The following STK32A variants were observed in gnomAD, a reference collection of about 807,000 sequenced individuals.
STK32A encodes serine/threonine-protein kinase 32A.
A neutral mutation model predicts 53.2 loss-of-function variants in STK32A; 41 were observed. The ratio of observed to expected loss-of-function variants is 0.77; its 90% CI spans 0.60 to 1.00. STK32A has a LOEUF of 1.00. Among genes scored for constraint, STK32A ranks in the 50% least tolerant of loss-of-function variants. STK32A has a pLI of 0.00. For synonymous variants in STK32A, 166 were observed against 162.8 expected, an observed-to-expected ratio of 1.02 and a Z score of -0.15; for missense variants, 458 against 485.8, an observed-to-expected ratio of 0.94 and a Z score of 0.54.
chr5:147,325,001 C>T (rs1356411661), intron 5 of STK32A, among the ~76,000 whole-genome samples: 2 of 152,142 alleles, frequency 1.3e-5, no homozygotes, highest in African/African-American at 4.8e-5. Flanking sequence ...AAGAAACTGT[C>T]TCAAAGGTTT....
At chr5:147,251,767 A>G (rs530918270) in intron 2 of STK32A, among the ~76,000 whole-genome samples, 1 of 141,984 alleles carries the variant, frequency 7.0e-6, no homozygotes, top group Admixed American at 7.3e-5. Flanking sequence ...TTAATGAAGT[A>G]TTGGGGGGTT....
chr5:147,236,714 A>G (rs1406266167), intron 1 of STK32A, among the ~76,000 whole-genome samples: 2 of 152,186 alleles, frequency 1.3e-5, no homozygotes, highest in African/African-American at 2.4e-5. Flanking sequence ...TCTTCCCACT[A>G]AAAATCACTT....
intron 9 of STK32A, among the ~76,000 whole-genome samples, chr5:147,372,460 T>A (rs1757044287): frequency 6.6e-6 from 1 of 151,916 alleles, no homozygotes; most frequent in African/African-American, 2.4e-5. Context: ...TCATTTTTCA[T>A]AAGCAAATTC....
intron 6 of STK32A, among the ~76,000 whole-genome samples, chr5:147,343,763 G>A (rs983470930): frequency 5.3e-5 from 8 of 152,156 alleles, no homozygotes; most frequent in African/African-American, 1.9e-4. Context: ...ATGTACCAAT[G>A]TATCTCAGAA....
chr5:147,261,791 C>A (rs974276046), intron 2 of STK32A, among the ~76,000 whole-genome samples: 2 of 151,976 alleles, frequency 1.3e-5, no homozygotes, highest in African/African-American at 2.4e-5. Flanking sequence ...TATGAGGAAC[C>A]CTGAAAATTA....
intron 7 of STK32A, among the ~76,000 whole-genome samples, chr5:147,353,484 G>T (rs1756079983): frequency 6.6e-6 from 1 of 152,100 alleles, no homozygotes; most frequent in South Asian, 2.1e-4. Context: ...ATGCTTGGCG[G>T]GGTGCGGTGG....
At chr5:147,360,408 A>G (rs1756444622) in intron 7 of STK32A, among the ~76,000 whole-genome samples, 1 of 144,226 alleles carries the variant, frequency 6.9e-6, no homozygotes, top group Non-Finnish European at 1.5e-5. Flanking sequence ...CCATGATTGT[A>G]TCACTGCAAT....
At chr5:147,328,068 G>A (rs187786171) in intron 5 of STK32A, among the ~76,000 whole-genome samples, 134 of 152,328 alleles carry the variant, frequency 8.8e-4, no homozygotes, top group African/African-American at 3.0e-3. Flanking sequence ...GTGTAAGAAA[G>A]ACAAGTACTT....
At chr5:147,247,174 G>A (rs953953299) in intron 2 of STK32A, among the ~76,000 whole-genome samples, 2 of 152,146 alleles carry the variant, frequency 1.3e-5, no homozygotes, top group African/African-American at 2.4e-5. Flanking sequence ...GGGAGTGCAG[G>A]CCTTCATGGG....
the STK32A span, among the ~76,000 whole-genome samples, chr5:147,401,156 T>C: frequency 6.6e-6 from 1 of 152,240 alleles, no homozygotes; most frequent in Non-Finnish European, 1.5e-5. Flanking sequence ...ATTGTCATCA[T>C]GACCAACTAT....
At chr5:147,242,838 A>G (rs1416088995) in intron 2 of STK32A, among the ~76,000 whole-genome samples, 1 of 152,212 alleles carries the variant, frequency 6.6e-6, no homozygotes, top group East Asian at 1.9e-4. Context: ...CATTTTGTAA[A>G]GTTCATTTGA....
intron 4 of STK32A, among the ~76,000 whole-genome samples, chr5:147,291,872 C>A (rs1752615629): frequency 6.6e-6 from 1 of 152,160 alleles, no homozygotes; most frequent in Non-Finnish European, 1.5e-5. Flanking sequence ...TATATTTGGC[C>A]TAATTATTTG....
intron 4 of STK32A, among the ~76,000 whole-genome samples, chr5:147,295,526 C>T (rs994812470): frequency 5.9e-5 from 9 of 152,112 alleles, no homozygotes; most frequent in African/African-American, 7.2e-5. Flanking sequence ...TCTTATTTAC[C>T]GAAGATTTAC....
Position 147,339,922 on chromosome 5 carries a change from C to T in STK32A, c.435-3084C>T, listed in dbSNP as rs138739372. On this transcript the variant is annotated intron_variant, in intron 5 of 12. Coordinates refer to ENST00000397936, the MANE Select transcript of STK32A (RefSeq NM_001112724.2). Reference sequence around the variant, plus strand: ...AGGCTCATAGGCAGAAGGGACTTGCCTTGTCTTAGATGAGACATTGGACTG... The same window carrying T: ...AGGCTCATAGGCAGAAGGGACTTGCTTTGTCTTAGATGAGACATTGGACTG... 0.014 allele frequency among the ~76,000 whole-genome samples: 2,115 copies of T among 152,268 alleles called. 137 individuals carry two copies. In the East Asian group the frequency reaches 0.2, roughly 14 times the overall value.
At chr5:147,251,300 C>T (rs1037122068) in intron 2 of STK32A, among the ~76,000 whole-genome samples, 6 of 152,158 alleles carry the variant, frequency 3.9e-5, no homozygotes, top group Non-Finnish European at 7.4e-5. Flanking sequence ...TTGAGTACCT[C>T]AGGGAGTTCA....
chr5:147,392,403 T>G (rs1448662612), downstream of STK32A: 1 of 152,240 alleles, frequency 6.6e-6, no homozygotes, highest in African/African-American at 2.4e-5. Flanking sequence ...TATTCAAACC[T>G]GCAGTCAGAG....
intron 8 of STK32A, among the ~76,000 whole-genome samples, chr5:147,368,651 C>G (rs1385217486): frequency 6.6e-6 from 1 of 151,694 alleles, no homozygotes; most frequent in African/African-American, 2.4e-5. Flanking sequence ...TTGATTAATT[C>G]AAATTAATTT....
At chr5:147,344,688 C>T (rs887969882) in intron 6 of STK32A, among the ~76,000 whole-genome samples, 3 of 152,184 alleles carry the variant, frequency 2.0e-5, no homozygotes, top group Admixed American at 6.5e-5. Flanking sequence ...AGAAGTGCTC[C>T]CCCTGCCCAC....
At chr5:147,333,399 T>A (rs1318497108) in intron 5 of STK32A, among the ~76,000 whole-genome samples, 3 of 152,234 alleles carry the variant, frequency 2.0e-5, no homozygotes, top group Non-Finnish European at 4.4e-5. Flanking sequence ...TGCTCAAATC[T>A]TGTTACACAG....
Sources: allele counts gnomAD v4.1 joint callset (sites outside exome capture counted in the v4.1 genomes callset), GRCh38; gene constraint gnomAD v4.1.1; transcripts MANE v1.5; gene names NCBI Gene and HGNC (gene_info 2026-07-23, HGNC 2026-07-21).